Variants in IMPG1 observed in about 807,000 individuals in gnomAD.
IMPG1 encodes the protein interphotoreceptor matrix proteoglycan 1, also known as interphotoreceptor matrix proteoglycan of 150 kDa.
IMPG1 carries 85 observed loss-of-function variants against 92.0 expected under a neutral mutation model. That is an observed-to-expected ratio of 0.92 (90% CI 0.78 to 1.11). IMPG1 has a LOEUF of 1.11. Ranked by LOEUF, IMPG1 falls within the 50% of genes least tolerant of loss-of-function variation. The probability of loss-of-function intolerance (pLI) is 0.00; values close to 1 mark genes in which losing one functional copy is unlikely to be tolerated. For missense variants in IMPG1, 1,022 were observed against 956.0 expected (o/e 1.07, Z -0.91); for synonymous variants, 367 against 334.1 (o/e 1.10, Z -1.08).
intron 12 of IMPG1, among the ~76,000 whole-genome samples, chr6:75,992,718 G>T (rs945885738): frequency 2.6e-5 from 4 of 152,210 alleles, no homozygotes; most frequent in East Asian, 1.9e-4. Context: ...GGCCCTGCTT[G>T]ATATATATCC....
chr6:76,015,675 C>T (rs1042934904), intron 7 of IMPG1, among the ~76,000 whole-genome samples: 1 of 151,768 alleles, frequency 6.6e-6, no homozygotes, highest in Non-Finnish European at 1.5e-5. Flanking sequence ...TGGTGCCTGC[C>T]TGTAATTTCA....
intron 9 of IMPG1, among the ~76,000 whole-genome samples, chr6:76,006,496 A>G (rs1032962556): frequency 2.0e-5 from 3 of 147,386 alleles, no homozygotes; most frequent in African/African-American, 7.5e-5. Flanking sequence ...ATACACACAT[A>G]TATATACACC....
chr6:76,033,715 C>T (rs1464863423), intron 4 of IMPG1, among the ~76,000 whole-genome samples: 1 of 152,196 alleles, frequency 6.6e-6, no homozygotes, highest in East Asian at 1.9e-4. Context: ...CAGATTTAGA[C>T]TTCTAAATGT....
chr6:76,010,487 C>T (rs9447587), intron 8 of IMPG1, among the ~76,000 whole-genome samples: 20,797 of 152,212 alleles, frequency 0.14, 1,511 homozygotes, highest in African/African-American at 0.16. Context: ...ATACAGCCCT[C>T]CTTGTGCCAA....
chr6:75,927,051 T>G (rs1781566660), intron 15 of IMPG1, among the ~76,000 whole-genome samples: 1 of 152,134 alleles, frequency 6.6e-6, no homozygotes, highest in Non-Finnish European at 1.5e-5. Context: ...GTTTTCAAAG[T>G]TGCAGCACTT....
rs1362072799 is a variant in IMPG1 at position 76,034,295 on chromosome 6, A to G, written c.497+20T>C. The G allele has an allele frequency of 6.2e-7, 1 of 1,605,122 alleles. No homozygotes were observed. Among genetic ancestry groups the G allele is most frequent in the Non-Finnish European group, 8.5e-7 (1 of 1,172,288 alleles). The stretch of plus-strand genomic sequence containing the variant: ...TAAATTCAAAAGCACACACACACAC[A>G]CTCTATTTTGGGTACTTGCCTGTCA... On this transcript the variant is annotated intron_variant, in intron 4 of 16. Transcript: ENST00000369950.
At chr6:75,945,443 C>T (rs911336860) in intron 14 of IMPG1, among the ~76,000 whole-genome samples, 3 of 150,946 alleles carry the variant, frequency 2.0e-5, no homozygotes, top group Non-Finnish European at 2.9e-5. Flanking sequence ...CTCTGCCTTC[C>T]GGGTTCAAGC....
chr6:75,938,897 C>G (rs1209986119), intron 14 of IMPG1, among the ~76,000 whole-genome samples: 1 of 152,162 alleles, frequency 6.6e-6, no homozygotes, highest in Non-Finnish European at 1.5e-5. Flanking sequence ...CTCAGCTTCA[C>G]TAAACTTTTT....
chr6:75,953,925 C>A (rs1782076353), intron 12 of IMPG1, among the ~76,000 whole-genome samples: 1 of 152,186 alleles, frequency 6.6e-6, no homozygotes. Flanking sequence ...ATCCATGACC[C>A]TGCAAAGGAC....
At position 76,025,291 on chromosome 6, in the gene IMPG1, G is replaced by T. The variant is rs575369249; in HGVS notation, c.498-33C>A. On this transcript the variant is annotated intron_variant, in intron 4 of 16. Transcript: ENST00000369950. ...TACAATAGAAAAGAAGGAAGAGGTGGTGAAAGAGAACTTGATGACAGTAGA... is the reference window on the plus strand; with the variant it reads ...TACAATAGAAAAGAAGGAAGAGGTGTTGAAAGAGAACTTGATGACAGTAGA... 17 of 1,252,812 alleles carry T rather than the reference G, an allele frequency of 1.4e-5. No homozygotes were observed. The East Asian group carries it at 4.0e-4, about 29-fold the overall frequency. 77.6% of individuals were successfully genotyped at this position (1,252,812 alleles called of 1,614,324 possible).
rs1427429240 is a variant in IMPG1, at chr6:75,923,698, T to G, written c.2252A>C (p.Asp751Ala). 1.3e-6 allele frequency: 2 copies of G among 1,593,778 alleles called. No homozygotes were observed. Among genetic ancestry groups the G allele is most frequent in the Non-Finnish European group, 1.7e-6 (2 of 1,163,348 alleles). The change falls in exon 16 of 17, where the codon GAT becomes GCT. Residue 751 changes from aspartate to alanine, a missense_variant. By Grantham distance (126) the Asp-to-Ala change is moderately radical. Around this residue, in one of 3 missense-constraint regions of IMPG1, gnomAD observed 332 missense variants for 346.2 expected, o/e 0.96. Transcript: ENST00000369950. Reference protein sequence around the residue: ...QGKGAPCRLPDHSENQAYKTS... With the variant: ...QGKGAPCRLPAHSENQAYKTS... Reference sequence around the variant, plus strand: ...TTTGTATGCTTGATTTTCAGAGTGATCTGGCAACCTACAAAAGAAAGCAAA... The same window carrying G: ...TTTGTATGCTTGATTTTCAGAGTGAGCTGGCAACCTACAAAAGAAAGCAAA...
At chr6:76,017,973 G>T (rs1007288091) in intron 7 of IMPG1, among the ~76,000 whole-genome samples, 1 of 152,108 alleles carries the variant, frequency 6.6e-6, no homozygotes, top group African/African-American at 2.4e-5. Flanking sequence ...GGCTGGTATC[G>T]AATTCCTGAT....
intron 5 of IMPG1, 73 bp from the exon 6 acceptor site, chr6:76,022,292 C>G: frequency 1.3e-6 from 1 of 750,860 alleles, no homozygotes; most frequent in Non-Finnish European, 2.3e-6. Context: ...GGTCAAAATT[C>G]AATATGCTTT....
At chr6:76,062,971 A>T (rs1377295150) in intron 1 of IMPG1, among the ~76,000 whole-genome samples, 1 of 151,564 alleles carries the variant, frequency 6.6e-6, no homozygotes, top group Non-Finnish European at 1.5e-5. Flanking sequence ...TAGGAGGCCG[A>T]GGTGAGTGGA....
At chr6:76,042,162 A>G (rs1783856000) in intron 1 of IMPG1, 36 bp from the exon 2 acceptor site, 2 of 1,043,350 alleles carry the variant, frequency 1.9e-6, no homozygotes, top group Admixed American at 3.4e-5. Flanking sequence ...GTGAATATAT[A>G]CATTTATGTG....
chr6:75,966,374 G>A (rs1184186295), intron 12 of IMPG1, among the ~76,000 whole-genome samples: 2 of 152,044 alleles, frequency 1.3e-5, no homozygotes, highest in East Asian at 3.8e-4. Context: ...GAGATGATTA[G>A]GCCATGAGGA....
intron 7 of IMPG1, among the ~76,000 whole-genome samples, chr6:76,012,791 C>T (rs943440296): frequency 1.3e-5 from 2 of 152,190 alleles, no homozygotes; most frequent in African/African-American, 2.4e-5. Flanking sequence ...AATATCCCAA[C>T]ATTTGCCACT....
rs1370464041 is a variant in IMPG1 at position 76,007,463 on chromosome 6, C to T, written c.887+17G>A. ...GACGGGAATGTACTATATTTCAAAACTTAAAGTCCAAATTACCCATCTTTT... is the reference window on the plus strand; with the variant it reads ...GACGGGAATGTACTATATTTCAAAATTTAAAGTCCAAATTACCCATCTTTT... On this transcript the variant is annotated intron_variant, in intron 9 of 16. Transcript: ENST00000369950. 1.3e-6 allele frequency: 2 copies of T among 1,585,216 alleles called. No homozygotes were observed. Among genetic ancestry groups the T allele is most frequent in the Non-Finnish European group, 1.7e-6 (2 of 1,158,924 alleles).
chr6:75,977,738 C>T (rs938750668), intron 12 of IMPG1, among the ~76,000 whole-genome samples: 10 of 150,844 alleles, frequency 6.6e-5, no homozygotes, highest in African/African-American at 2.4e-4. Flanking sequence ...TCCATTTTCT[C>T]AGAGTGGTTT....
Sources: gnomAD v4.1 joint callset for allele counts (sites outside exome capture counted in the v4.1 genomes callset) on GRCh38, gnomAD v4.1.1 for gene constraint, gnomAD v4.1.1 regional missense constraint, MANE v1.5 for transcripts, NCBI Gene and HGNC (gene_info 2026-07-23, HGNC 2026-07-21) for gene names.